The following CIITA variants were observed in gnomAD, a reference collection of about 807,000 sequenced individuals.
CIITA encodes MHC class II transactivator.
CIITA carries 72 observed loss-of-function variants against 115.1 expected under a neutral mutation model. The ratio of observed to expected loss-of-function variants is 0.63; its 90% CI spans 0.52 to 0.76. The LOEUF is 0.76. Among genes scored for constraint, CIITA ranks in the 30% least tolerant of loss-of-function variants. The probability of loss-of-function intolerance (pLI) is 0.00; values close to 1 mark genes in which losing one functional copy is unlikely to be tolerated. For synonymous variants in CIITA, 763 were observed against 635.6 expected, an observed-to-expected ratio of 1.20 and a Z score of -3.02; for missense variants, 1,617 against 1,463.8, an observed-to-expected ratio of 1.10 and a Z score of -1.71.
rs1310900189 is a variant in CIITA at position 10,901,111 on chromosome 16, G to A, written c.437-403G>A. On this transcript the variant is annotated intron_variant, in intron 5 of 19. Coordinates refer to ENST00000324288, the MANE Select transcript of CIITA (RefSeq NM_000246.4). The surrounding 1 kb of genome is among the most constrained non-coding windows in gnomAD (Gnocchi z 6.8). ...TGTGAGTGCTTGATACTCACTCACTGATTTCTGGCATACTCCTGCAATGTA... is the reference window on the plus strand; with the variant it reads ...TGTGAGTGCTTGATACTCACTCACTAATTTCTGGCATACTCCTGCAATGTA... Among the ~76,000 whole-genome samples, 3 of 152,168 alleles carry A rather than the reference G, an allele frequency of 2.0e-5. No homozygotes were observed. The highest frequency in any genetic ancestry group is 4.4e-5 in the Non-Finnish European group (3 of 68,042).
At chr16:10,897,066 C>T (rs903385127) in intron 3 of CIITA, among the ~76,000 whole-genome samples, 5 of 152,256 alleles carry the variant, frequency 3.3e-5, no homozygotes, top group Admixed American at 2.6e-4. Context: ...GGCATCTCCA[C>T]AGGCAGCGAA....
chr16:10,889,377 A>G (rs1253382857), intron 1 of CIITA, among the ~76,000 whole-genome samples: 2 of 152,138 alleles, frequency 1.3e-5, no homozygotes, highest in African/African-American at 4.8e-5. Flanking sequence ...GGGGAAACCT[A>G]GAGTCTTGGG....
At chr16:10,867,096 C>A (rs2143140539) in intron 1 of CIITA, among the ~76,000 whole-genome samples, 1 of 152,198 alleles carries the variant, frequency 6.6e-6, no homozygotes, top group South Asian at 2.1e-4. Flanking sequence ...ATACAAAAAA[C>A]AGCCAGACAT....
At position 10,935,311 on chromosome 16, in the gene CIITA, A is replaced by G. The variant is rs1458747914; in HGVS notation, c.*11456A>G. 6.6e-6 allele frequency: 1 copy of G among 152,240 alleles called. No homozygotes were observed. Among genetic ancestry groups the G allele is most frequent in the Non-Finnish European group, 1.5e-5 (1 of 68,036 alleles). The allele number at this position is 152,240 out of a possible 1,614,324, so 9.4% of individuals were successfully genotyped here. ...TTTTGGTCAATCCTTATGATTATTT[A>G]GAGGAGAAAGTTCAGTTTGGTGCTG... is the stretch of plus-strand genomic sequence containing the variant. On this transcript the variant is annotated 3_prime_UTR_variant, in exon 20 of 20. Coordinates refer to ENST00000324288, the MANE Select transcript of CIITA (RefSeq NM_000246.4).
chr16:10,911,212 TTC>T (rs1349775007), intron 13 of CIITA, among the ~76,000 whole-genome samples: 1 of 35,530 alleles, frequency 2.8e-5, no homozygotes, highest in Non-Finnish European at 8.8e-5. Context: ...CTTTCCTTTC[TTC>T]TCTCTTTCTT....
rs2040738411 is a variant in CIITA, at chr16:10,930,496, T to A, written c.*6641T>A. The A allele has an allele frequency of 6.6e-6, 1 of 152,164 alleles. No individual in the cohort carries two copies. Among genetic ancestry groups the A allele is most frequent in the Non-Finnish European group, 1.5e-5 (1 of 68,040 alleles). 9.4% of individuals were successfully genotyped at this position (152,164 alleles called of 1,614,324 possible). ...ACCTAAGGGGGCGGAACTGTTTCCA[T>A]TGAGACCCATGCATCGTATAGGATA... On this transcript the variant is annotated 3_prime_UTR_variant, in exon 20 of 20. Transcript: ENST00000324288.
chr16:10,922,133 T>A, intron 16 of CIITA, 34 bp from the exon 17 acceptor site: 2 of 1,598,866 alleles, frequency 1.3e-6, no homozygotes, highest in South Asian at 2.2e-5. Flanking sequence ...TGCACAGGCC[T>A]CCAATCCCTC....
At chr16:10,877,839 G>C (rs1015410284) in intron 1 of CIITA, among the ~76,000 whole-genome samples, 1 of 152,240 alleles carries the variant, frequency 6.6e-6, no homozygotes, top group Non-Finnish European at 1.5e-5. Flanking sequence ...AGCAGCTGGG[G>C]AGAGCTGGCG....
upstream of CIITA, among the ~76,000 whole-genome samples, chr16:10,875,758 A>G (rs915548043): frequency 2.0e-5 from 3 of 151,900 alleles, no homozygotes; most frequent in Admixed American, 6.6e-5. Context: ...GCAGCCTCCA[A>G]CTCCTGGGCA....
chr16:10,881,197 T>G (rs143104067), intron 1 of CIITA, among the ~76,000 whole-genome samples: 1 of 152,030 alleles, frequency 6.6e-6, no homozygotes, highest in African/African-American at 2.4e-5. Flanking sequence ...GAGAATCACT[T>G]GAACCCAAGA....
chr16:10,914,966 A>G, intron 13 of CIITA: 2 of 425,862 alleles, frequency 4.7e-6, no homozygotes, highest in South Asian at 3.3e-5. Flanking sequence ...GGATGTTGGG[A>G]AGAGTAAGAA....
At chr16:10,904,616 G>T (rs77850059) in intron 9 of CIITA, 128 bp from the exon 10 acceptor site, 4 of 904,506 alleles carry the variant, frequency 4.4e-6, no homozygotes, top group African/African-American at 1.6e-5. Flanking sequence ...GCCTCAGGCC[G>T]CTATCTTATA....
At chr16:10,872,382 C>A (rs973842440), upstream of CIITA, among the ~76,000 whole-genome samples, 2 of 152,206 alleles carry the variant, frequency 1.3e-5, no homozygotes, top group Non-Finnish European at 2.9e-5. Flanking sequence ...CTCAGCTTCC[C>A]AAAATGCTGG....
At chr16:10,913,505 G>A (rs28466571) in intron 13 of CIITA, 25,145 of 156,202 alleles carry the variant, frequency 0.16, 2,103 homozygotes, top group Middle Eastern at 0.25. Context: ...TAGTAGAGAC[G>A]GGGTTTCACC....
intron 12 of CIITA, among the ~76,000 whole-genome samples, chr16:10,909,724 C>CTTTTAT (rs1193588715): frequency 6.6e-6 from 1 of 152,108 alleles, no homozygotes; most frequent in Non-Finnish European, 1.5e-5. Context: ...GTCCTGAGAT[C>CTTTTAT]TTTTATTTTT....
chr16:10,870,163 T>C (rs1436445655), intron 1 of CIITA, among the ~76,000 whole-genome samples: 5 of 110,874 alleles, frequency 4.5e-5, no homozygotes, highest in African/African-American at 1.9e-4. Flanking sequence ...ATTGCAGTAC[T>C]TCCTGCAAAA....
intron 1 of CIITA, among the ~76,000 whole-genome samples, chr16:10,886,230 G>C (rs145695181): frequency 6.6e-6 from 1 of 152,000 alleles, no homozygotes; most frequent in Non-Finnish European, 1.5e-5. Context: ...GAGTCACCAC[G>C]CCTGGCCACA....
At chr16:10,914,198 C>T (rs777267963) in intron 13 of CIITA, among the ~76,000 whole-genome samples, 2 of 152,146 alleles carry the variant, frequency 1.3e-5, no homozygotes, top group South Asian at 4.1e-4. Flanking sequence ...TATTTAACAA[C>T]GAATGCCTTA....
intron 1 of CIITA, 57 bp from the exon 2 acceptor site, chr16:10,895,225 A>C (rs2038001750): frequency 6.2e-7 from 1 of 1,607,212 alleles, no homozygotes; most frequent in Non-Finnish European, 8.5e-7. Flanking sequence ...GTAGGTGTCA[A>C]TTTTCTGCCT....
Sources: allele counts gnomAD v4.1 joint callset (sites outside exome capture counted in the v4.1 genomes callset), GRCh38; gene constraint gnomAD v4.1.1; non-coding constraint Gnocchi (gnomAD v3.1); transcripts MANE v1.5; gene names NCBI Gene and HGNC (gene_info 2026-07-23, HGNC 2026-07-21).